Variants in INTS6 observed in about 807,000 individuals in gnomAD.
INTS6 encodes integrator complex subunit 6.
Under a neutral mutation model 104.9 loss-of-function variants are expected in INTS6, and 16 were observed. The ratio of observed to expected loss-of-function variants is 0.15; its 90% confidence interval spans 0.10 to 0.23. The LOEUF (loss-of-function observed/expected upper bound fraction) is 0.23. INTS6 is among the 10% of genes least tolerant of loss of function. The pLI is 1.00. For missense variants in INTS6, 584 were observed against 1,062.8 expected, an observed-to-expected ratio of 0.55 and a Z score of 6.26; for synonymous variants, 324 against 358.7, an observed-to-expected ratio of 0.90 and a Z score of 1.09.
At chr13:51,408,454 T>C (rs1210696103) in intron 4 of INTS6, among the ~76,000 whole-genome samples, 1 of 152,202 alleles carries the variant, frequency 6.6e-6, no homozygotes, top group African/African-American at 2.4e-5. Flanking sequence ...CATTGAGTTT[T>C]ATTAATAAGT....
chr13:51,374,328 G>A lies in INTS6; in HGVS notation c.1984C>T (p.Pro662Ser). Reference protein sequence around the residue: ...GIPKRRRCMSPLLRGRQQNPV... With the variant: ...GIPKRRRCMSSLLRGRQQNPV... ...TTCTGCTGTCTGCCTCTTAGTAGTG[G>A]AGACATACACCGACGTCTTTTAGGG... Residue 662 changes from proline to serine, a missense_variant, in exon 15 of 18, where the codon CCA becomes TCA. Pro to Ser is a moderately conservative substitution (Grantham distance 74). Transcript: ENST00000311234. The A allele has an allele frequency of 2.5e-6, 4 of 1,614,000 alleles. No homozygotes were observed. Among genetic ancestry groups the A allele is most frequent in the Non-Finnish European group, 3.4e-6 (4 of 1,179,912 alleles).
At chr13:51,389,596 T>G in intron 5 of INTS6, 152 bp from the exon 6 acceptor site, 1 of 655,372 alleles carries the variant, frequency 1.5e-6, no homozygotes, top group Non-Finnish European at 2.3e-6. Context: ...ACTAATTTCA[T>G]TATCTTATGA....
rs1467445190 is a variant in INTS6, at chr13:51,452,534, C to T, written c.-9G>A. 1.9e-5 allele frequency: 31 copies of T among 1,609,094 alleles called. No homozygotes were observed. Among genetic ancestry groups the T allele is most frequent in the Non-Finnish European group, 2.6e-5 (31 of 1,176,926 alleles). On this transcript the variant is annotated 5_prime_UTR_variant, in exon 1 of 18. Coordinates refer to ENST00000311234, the MANE Select transcript of INTS6 (RefSeq NM_012141.3). The surrounding 1 kb of genome is among the most constrained non-coding windows in gnomAD (Gnocchi z 4.2). ...AACAGTAAGATGGGCATAGTGCTGG[C>T]CGGGGACACCGGGGCCCGAGGTGGT...
chr13:51,341,021 C>T, the INTS6 span: 1 of 1,559,130 alleles, frequency 6.4e-7, no homozygotes, highest in Non-Finnish European at 8.7e-7. Flanking sequence ...GGACATGGCC[C>T]TCTTTCATCA....
At chr13:51,410,665 A>G (rs930943059) in intron 4 of INTS6, among the ~76,000 whole-genome samples, 8 of 152,198 alleles carry the variant, frequency 5.3e-5, no homozygotes, top group Admixed American at 1.3e-4. Context: ...TCTCTTAAAT[A>G]AGACACAGAA....
chr13:51,362,031 G>C lies in INTS6; in HGVS notation c.*3721C>G, dbSNP rs1459733014. The C allele has an allele frequency of 6.2e-7, 1 of 1,600,884 alleles. No individual in the cohort carries two copies. Among genetic ancestry groups the C allele is most frequent in the African/African-American group, 1.4e-5 (1 of 73,970 alleles). ...ATGGTGCTTCAGAAGCTACCCAGTTGCTATCTTCTATCCTAAGAAAGGGGA... is the reference window on the plus strand; with the variant it reads ...ATGGTGCTTCAGAAGCTACCCAGTTCCTATCTTCTATCCTAAGAAAGGGGA... On this transcript the variant is annotated 3_prime_UTR_variant, in exon 18 of 18. Transcript: ENST00000311234.
At position 51,373,043 on chromosome 13, in the gene INTS6, G is replaced by GA. The variant is rs776626902; in HGVS notation, c.2104+1164dup. ...CTTCCGTACCCCTTTTATTTTTCTG[G>GA]AAAAAATATTTTTTTTCCAGGAAAA... On this transcript the variant is annotated intron_variant, in intron 15 of 17. Transcript: ENST00000311234. Among the ~76,000 whole-genome samples the GA allele has an allele frequency of 4.0e-5, 6 of 151,512 alleles. No individual in the cohort carries two copies. The East Asian group carries it at 5.8e-4, about 15-fold the overall frequency.
intron 3 of INTS6, chr13:51,355,000 G>T: frequency 2.0e-6 from 2 of 976,238 alleles, no homozygotes; most frequent in South Asian, 2.8e-5. Context: ...AAAGTATATT[G>T]AGTGAGAATT....
chr13:51,414,523 G>T (rs529186793), intron 4 of INTS6, among the ~76,000 whole-genome samples: 31 of 152,152 alleles, frequency 2.0e-4, no homozygotes, highest in African/African-American at 7.2e-4. Flanking sequence ...AAATCTTTCC[G>T]TGATTTAATA....
chr13:51,403,335 GCAC>G (rs1490984504), intron 4 of INTS6, among the ~76,000 whole-genome samples: 5 of 152,104 alleles, frequency 3.3e-5, no homozygotes, highest in African/African-American at 1.2e-4. Flanking sequence ...TGTAATCCCA[GCAC>G]TTTGGGAGCC....
Position 51,364,390 on chromosome 13 carries a change from G to T in INTS6, c.*1362C>A. ...GTCTGATAAAGTGTAAAAAGCTAAG[G>T]GTATGTGATTTTCAATATTATAAAC... On this transcript the variant is annotated 3_prime_UTR_variant, in exon 18 of 18. Coordinates refer to ENST00000311234, the MANE Select transcript of INTS6 (RefSeq NM_012141.3). 6.8e-6 allele frequency: 4 copies of T among 585,412 alleles called. No homozygotes were observed. The highest frequency in any genetic ancestry group is 3.1e-5 in the East Asian group (1 of 31,936). 36.3% of individuals were successfully genotyped at this position (585,412 alleles called of 1,614,324 possible). A position where few individuals can be genotyped will look rare whatever the true frequency, so the allele number is the denominator to read the frequency against.
intron 3 of INTS6, chr13:51,355,230 T>C: frequency 4.2e-5 from 22 of 520,496 alleles, no homozygotes; most frequent in South Asian, 7.9e-5. Flanking sequence ...CATTTCAGAG[T>C]CAACATTATG....
chr13:51,437,935 G>C (rs1014404458), intron 3 of INTS6: 1 of 152,202 alleles, frequency 6.6e-6, no homozygotes, highest in Non-Finnish European at 1.5e-5. Flanking sequence ...TTTGAACCTG[G>C]GAGGCAGAGA....
Position 51,367,879 on chromosome 13 carries a change from A to T in INTS6, c.2496T>A (p.Thr832=). The change falls in exon 17 of 18, where the codon ACT becomes ACA. Residue 832 remains threonine (T), a synonymous_variant. Transcript: ENST00000311234. ...AACTGCCTTGCACATGCTTCAGTAAAGTGAAGATTCTTTCATATTCTTAAA... is the reference window on the plus strand; with the variant it reads ...AACTGCCTTGCACATGCTTCAGTAATGTGAAGATTCTTTCATATTCTTAAA... ...KPGRKYERIF[T]LLKHVQGSLQ... The T allele has an allele frequency of 6.3e-7, 1 of 1,578,684 alleles. No individual in the cohort carries two copies. The highest frequency in any genetic ancestry group is 8.6e-7 in the Non-Finnish European group (1 of 1,165,376).
At chr13:51,413,189 T>C (rs1274284731) in intron 4 of INTS6, among the ~76,000 whole-genome samples, 2 of 152,038 alleles carry the variant, frequency 1.3e-5, no homozygotes, top group Non-Finnish European at 2.9e-5. Flanking sequence ...TGATAAATAC[T>C]ATAAGAAAAA....
At chr13:51,436,568 T>C (rs1952692681) in intron 3 of INTS6, 1 of 152,112 alleles carries the variant, frequency 6.6e-6, no homozygotes, top group African/African-American at 2.4e-5. Context: ...AGGAACTCCA[T>C]CCTGGAATTT....
At chr13:51,451,922 A>G (rs1953063728) in intron 2 of INTS6, 56 bp downstream of exon 2, 1 of 1,319,558 alleles carries the variant, frequency 7.6e-7, no homozygotes, top group East Asian at 2.4e-5. Flanking sequence ...GGGGAGGGCG[A>G]GCGAGGAAGG....
At chr13:51,383,306 A>C in intron 9 of INTS6, 23 bp downstream of exon 9, 1 of 1,587,502 alleles carries the variant, frequency 6.3e-7, no homozygotes, top group Non-Finnish European at 8.6e-7. Flanking sequence ...TAAGCCAAGG[A>C]GAAAGTGACA....
chr13:51,429,785 A>AATATATAT (rs201277531), intron 4 of INTS6, among the ~76,000 whole-genome samples: 21 of 92,376 alleles, frequency 2.3e-4, no homozygotes, highest in African/African-American at 6.9e-4. Context: ...AAAAAAAAAA[A>AATATATAT]ATATATATAT....
Sources: gnomAD v4.1 joint callset for allele counts (sites outside exome capture counted in the v4.1 genomes callset) on GRCh38, gnomAD v4.1.1 for gene constraint, Gnocchi (gnomAD v3.1) non-coding constraint, MANE v1.5 for transcripts, NCBI Gene and HGNC (gene_info 2026-07-23, HGNC 2026-07-21) for gene names.